Variants in FRMPD4 observed in about 807,000 individuals in gnomAD.
FRMPD4 encodes FERM and PDZ domain-containing protein 4.
Under a neutral mutation model 94.1 loss-of-function variants are expected in FRMPD4, and 22 were observed. The observed-to-expected ratio is 0.23, with a 90% confidence interval of 0.17 to 0.33. FRMPD4 has a LOEUF of 0.33. FRMPD4 is among the 10% of genes least tolerant of loss of function. The pLI, the probability that FRMPD4 is intolerant of heterozygous loss-of-function variation, is 1.00. For synonymous variants in FRMPD4, 631 were observed against 548.6 expected (o/e 1.15, Z -2.10); for missense variants, 1,111 against 1,339.9 (o/e 0.83, Z 2.67).
chrX:12,669,941 G>A (rs192481265), intron 4 of FRMPD4, among the ~76,000 whole-genome samples: 59 of 112,124 alleles, frequency 5.3e-4, no homozygotes, highest in Middle Eastern at 4.6e-3. Flanking sequence ...GTGGTAATTC[G>A]TTATAGCAGC....
At chrX:11,828,416 G>A (rs2053456242) in intron 1 of FRMPD4, among the ~76,000 whole-genome samples, 2 of 112,385 alleles carry the variant, frequency 1.8e-5, no homozygotes, top group African/African-American at 6.5e-5. Context: ...GCTATTTGCA[G>A]CTAACCATAT....
intron 2 of FRMPD4, among the ~76,000 whole-genome samples, chrX:12,607,068 C>A (rs2059138083): frequency 9.0e-6 from 1 of 111,426 alleles, no homozygotes; most frequent in Non-Finnish European, 1.9e-5. Context: ...GGTTCCAGCC[C>A]TGGCCTCCCC....
At chrX:12,585,599 A>G (rs186735273) in intron 2 of FRMPD4, among the ~76,000 whole-genome samples, 2 of 112,001 alleles carry the variant, frequency 1.8e-5, no homozygotes, top group African/African-American at 3.2e-5. Context: ...CTCTTATGAA[A>G]AATAACCCTC....
intron 1 of FRMPD4, among the ~76,000 whole-genome samples, chrX:12,180,211 A>G (rs1208581787): frequency 8.9e-6 from 1 of 112,220 alleles, no homozygotes; most frequent in East Asian, 2.8e-4. Flanking sequence ...TGACTTAAAT[A>G]AAATTAAAAA....
intron 2 of FRMPD4, among the ~76,000 whole-genome samples, chrX:11,871,409 T>C (rs1400175599): frequency 8.9e-6 from 1 of 112,315 alleles, no homozygotes; most frequent in Non-Finnish European, 1.9e-5. Context: ...GGGCAGGTCT[T>C]TGAGGAATAC....
chrX:12,391,164 T>G (rs2056469079), intron 1 of FRMPD4, among the ~76,000 whole-genome samples: 1 of 110,282 alleles, frequency 9.1e-6, no homozygotes, highest in Non-Finnish European at 1.9e-5. Flanking sequence ...ATATGCTTAC[T>G]AAAGAGTCAT....
chrX:12,274,816 T>C (rs1246369523), intron 1 of FRMPD4, among the ~76,000 whole-genome samples: 1 of 112,326 alleles, frequency 8.9e-6, no homozygotes, highest in African/African-American at 3.2e-5. Flanking sequence ...GAGACCATCC[T>C]GGCTAACATG....
intron 1 of FRMPD4, among the ~76,000 whole-genome samples, chrX:12,196,882 G>A (rs2056573962): frequency 1.1e-5 from 1 of 91,211 alleles, no homozygotes; most frequent in Non-Finnish European, 2.2e-5. Flanking sequence ...TACCTAGAAT[G>A]TGAATATATA....
intron 1 of FRMPD4, among the ~76,000 whole-genome samples, chrX:12,217,473 A>T (rs2056819923): frequency 1.8e-5 from 2 of 112,291 alleles, no homozygotes; most frequent in East Asian, 5.6e-4. Context: ...AAGAAATTTA[A>T]ATGCATTCAT....
intron 1 of FRMPD4, among the ~76,000 whole-genome samples, chrX:12,467,662 T>C (rs1205619172): frequency 1.3e-4 from 15 of 112,405 alleles, no homozygotes; most frequent in Admixed American, 1.0e-3. Context: ...AAAGTGCTTT[T>C]TGAGGCTCAG....
chrX:11,906,387 T>A (rs890212051), intron 3 of FRMPD4, among the ~76,000 whole-genome samples: 9 of 110,810 alleles, frequency 8.1e-5, no homozygotes, highest in African/African-American at 2.9e-4. Context: ...GACCTTGTGA[T>A]CTGCCTGCCT....
intron 1 of FRMPD4, among the ~76,000 whole-genome samples, chrX:12,210,965 CA>C (rs1658721960): frequency 8.9e-6 from 1 of 112,299 alleles, no homozygotes; most frequent in Non-Finnish European, 1.9e-5. Context: ...TTCAAAGTGA[CA>C]AAACTAAATA....
At chrX:12,547,175 C>T (rs888056327) in intron 2 of FRMPD4, among the ~76,000 whole-genome samples, 8 of 110,818 alleles carry the variant, frequency 7.2e-5, no homozygotes, top group African/African-American at 1.6e-4. Flanking sequence ...CTAATTAAGT[C>T]GCTCCTGCAA....
Position 12,717,706 on chromosome X carries a change from T to A in FRMPD4, c.2880T>A (p.Ala960=). The A allele has an allele frequency of 2.5e-6, 3 of 1,210,519 alleles. No homozygotes were observed. Among genetic ancestry groups the A allele is most frequent in the Non-Finnish European group, 3.4e-6 (3 of 894,115 alleles). The part of the protein sequence containing the change: ...QTEFPASKTP[A]GGLPPKSSHA... ...AGTTCCCGGCCTCCAAGACCCCCGC[T>A]GGGGGCTTGCCTCCAAAGTCCTCGC... is the stretch of plus-strand genomic sequence containing the variant. The change falls in exon 16 of 17, where the codon GCT becomes GCA. Residue 960 remains alanine, a synonymous_variant. Coordinates refer to ENST00000675598, the MANE Select transcript of FRMPD4 (RefSeq NM_001368397.1).
At chrX:11,959,806 A>G (rs1284412733) in intron 3 of FRMPD4, among the ~76,000 whole-genome samples, 1 of 111,753 alleles carries the variant, frequency 8.9e-6, no homozygotes, top group Non-Finnish European at 1.9e-5. Context: ...CACTTGGCCA[A>G]GAGGGAGTCC....
At chrX:12,455,369 T>A (rs755882975) in intron 1 of FRMPD4, among the ~76,000 whole-genome samples, 1 of 111,732 alleles carries the variant, frequency 8.9e-6, no homozygotes, top group African/African-American at 3.3e-5. Context: ...CAATTAGTTA[T>A]TGTTTAATTA....
At chrX:12,160,342 C>T (rs888085198) in intron 1 of FRMPD4, among the ~76,000 whole-genome samples, 16 of 111,652 alleles carry the variant, frequency 1.4e-4, no homozygotes, top group African/African-American at 5.2e-4. Flanking sequence ...CACACTGTGG[C>T]ATCTCTTTGT....
chrX:12,614,324 G>T (rs1445188405), intron 3 of FRMPD4: 1 of 119,917 alleles, frequency 8.3e-6, no homozygotes, highest in African/African-American at 3.2e-5. Flanking sequence ...TGGCCACAGG[G>T]TATCAACACA....
At chrX:12,317,563 AG>A (rs1210432265) in intron 1 of FRMPD4, among the ~76,000 whole-genome samples, 1 of 103,912 alleles carries the variant, frequency 9.6e-6, no homozygotes, top group Non-Finnish European at 2.0e-5. Flanking sequence ...AGAATATACA[AG>A]GAAGTCAAAC....
Sources: allele counts gnomAD v4.1 joint callset (sites outside exome capture counted in the v4.1 genomes callset), GRCh38; gene constraint gnomAD v4.1.1; transcripts MANE v1.5; gene names NCBI Gene and HGNC (gene_info 2026-07-23, HGNC 2026-07-21).